The following CSNK2A2 variants were observed in gnomAD, a reference collection of about 807,000 sequenced individuals.
CSNK2A2 encodes the protein casein kinase II subunit alpha'.
In CSNK2A2, 8 loss-of-function variants were observed where a neutral mutation model predicts 54.0. The ratio of observed to expected loss-of-function variants is 0.15; its 90% CI spans 0.09 to 0.27. CSNK2A2 has a LOEUF of 0.27. Ranked by LOEUF, CSNK2A2 falls within the 10% of genes least tolerant of loss-of-function variation. The pLI is 1.00. For missense variants in CSNK2A2, 242 were observed against 439.4 expected (o/e 0.55, Z 4.02); for synonymous variants, 141 against 153.9 (o/e 0.92, Z 0.62).
At chr16:58,182,206 G>A (rs1962059653) in intron 4 of CSNK2A2, among the ~76,000 whole-genome samples, 1 of 151,846 alleles carries the variant, frequency 6.6e-6, no homozygotes, top group African/African-American at 2.4e-5. Context: ...TTCAGCAGTT[G>A]TTAAATCAAC....
At chr16:58,185,201 T>C (rs933731200) in intron 3 of CSNK2A2, among the ~76,000 whole-genome samples, 2 of 151,354 alleles carry the variant, frequency 1.3e-5, no homozygotes, top group African/African-American at 4.8e-5. Flanking sequence ...ATGTGAAAGT[T>C]ACCTAGGAAA....
At chr16:58,192,512 T>C (rs1015973262) in intron 2 of CSNK2A2, 9 of 151,984 alleles carry the variant, frequency 5.9e-5, no homozygotes, top group Non-Finnish European at 1.2e-4. Flanking sequence ...CAGCATTTCA[T>C]TGAAGCATTA....
chr16:58,182,374 CAAAAAAAAAAAAAA>C (rs71155249), intron 4 of CSNK2A2, among the ~76,000 whole-genome samples: 31 of 25,748 alleles, frequency 1.2e-3, no homozygotes, highest in African/African-American at 5.5e-3. Flanking sequence ...CTAAATATAC[CAAAAAAAAAAAAAA>C]AAAAAAAAAA....
chr16:58,162,770 C>T (rs534723542), intron 11 of CSNK2A2: 1 of 152,230 alleles, frequency 6.6e-6, no homozygotes, highest in South Asian at 2.1e-4. Context: ...ATGAAATCAG[C>T]CCTATTTTTG....
intron 4 of CSNK2A2, among the ~76,000 whole-genome samples, chr16:58,177,068 C>A (rs1026338461): frequency 6.6e-6 from 1 of 152,208 alleles, no homozygotes; most frequent in African/African-American, 2.4e-5. Context: ...CACTCAGTAC[C>A]ACACCCATTT....
chr16:58,166,229 G>A (rs1487096812), intron 9 of CSNK2A2, among the ~76,000 whole-genome samples: 2 of 152,090 alleles, frequency 1.3e-5, no homozygotes, highest in Non-Finnish European at 2.9e-5. Flanking sequence ...GAAGAGATAT[G>A]AAGTAAATAA....
At chr16:58,171,965 A>ATT (rs1459840541) in intron 5 of CSNK2A2, among the ~76,000 whole-genome samples, 1 of 10,510 alleles carries the variant, frequency 9.5e-5, no homozygotes, top group African/African-American at 2.7e-4. Context: ...ATGCATATAT[A>ATT]TATATATATA....
intron 3 of CSNK2A2, among the ~76,000 whole-genome samples, chr16:58,186,331 G>A (rs1962192226): frequency 6.6e-6 from 1 of 152,218 alleles, no homozygotes; most frequent in South Asian, 2.1e-4. Context: ...ACCTGCTCAG[G>A]CCTTTATGCC....
chr16:58,181,237 G>C (rs1962032333), intron 4 of CSNK2A2, among the ~76,000 whole-genome samples: 1 of 152,194 alleles, frequency 6.6e-6, no homozygotes, highest in African/African-American at 2.4e-5. Context: ...AACAGCGAAA[G>C]GCCAAAAGCA....
intron 6 of CSNK2A2, 66 bp from the exon 7 acceptor site, chr16:58,167,861 G>T (rs1961611050): frequency 8.5e-7 from 1 of 1,178,672 alleles, no homozygotes. Flanking sequence ...TTAGAACAAG[G>T]CCACATCACA....
intron 4 of CSNK2A2, among the ~76,000 whole-genome samples, chr16:58,175,145 G>A (rs997388880): frequency 6.6e-6 from 1 of 152,012 alleles, no homozygotes; most frequent in Non-Finnish European, 1.5e-5. Context: ...AAAAGACAGG[G>A]GTATCAAAAA....
At chr16:58,189,654 T>G (rs1275801441) in intron 2 of CSNK2A2, among the ~76,000 whole-genome samples, 2 of 152,170 alleles carry the variant, frequency 1.3e-5, no homozygotes, top group South Asian at 2.1e-4. Context: ...TAACTTAAAC[T>G]TCCCAAACTA....
intron 11 of CSNK2A2, 158 bp downstream of exon 11, chr16:58,163,895 TG>T: frequency 3.6e-6 from 2 of 559,682 alleles, no homozygotes; most frequent in Non-Finnish European, 6.3e-6. Flanking sequence ...AGACTAGCAC[TG>T]GGGAGTTTCT....
chr16:58,193,064 T>C (rs1323619476), intron 2 of CSNK2A2, among the ~76,000 whole-genome samples: 1 of 152,276 alleles, frequency 6.6e-6, no homozygotes, highest in Non-Finnish European at 1.5e-5. Context: ...TTAGTGATAC[T>C]GTTTGCACTA....
intron 3 of CSNK2A2, 117 bp downstream of exon 3, chr16:58,186,638 G>A: frequency 2.8e-6 from 2 of 705,148 alleles, no homozygotes; most frequent in Admixed American, 5.9e-5. Context: ...CCAGTCAGTA[G>A]TTAAAGACAA....
intron 2 of CSNK2A2, chr16:58,192,759 C>T (rs1028026956): frequency 2.0e-5 from 3 of 152,260 alleles, no homozygotes; most frequent in Admixed American, 2.0e-4. Context: ...AGCTAATGTC[C>T]TAATTATGCT....
Position 58,164,131 on chromosome 16 carries a change from C to T in CSNK2A2, c.993G>A (p.Glu331=), listed in dbSNP as rs771314652. 7.4e-6 allele frequency: 12 copies of T among 1,613,914 alleles called. No individual in the cohort carries two copies. The South Asian group carries it at 1.2e-4, about 16-fold the overall frequency. ...EHPYFYPVVK[E]QSQPCADNAV... Reference sequence around the variant, plus strand: ...CATTGTCTGCACAAGGCTGGGACTGCTCCTTCACCACAGGGTCTGCAAGAA... The same window carrying T: ...CATTGTCTGCACAAGGCTGGGACTGTTCCTTCACCACAGGGTCTGCAAGAA... Residue 331 remains glutamate, a synonymous_variant, in exon 11 of 12, where the codon GAG becomes GAA. Transcript: ENST00000262506.
intron 2 of CSNK2A2, among the ~76,000 whole-genome samples, chr16:58,187,869 T>C (rs1237704993): frequency 2.0e-5 from 3 of 152,252 alleles, no homozygotes; most frequent in South Asian, 2.1e-4. Flanking sequence ...CTGCATGCTA[T>C]ACTCTTGCCA....
chr16:58,174,037 C>T (rs1256690310), intron 5 of CSNK2A2: 1 of 154,808 alleles, frequency 6.5e-6, no homozygotes, highest in East Asian at 1.9e-4. Context: ...ATGAGGTCAT[C>T]CTGGACCATC....
Sources: allele counts gnomAD v4.1 joint callset (sites outside exome capture counted in the v4.1 genomes callset), GRCh38; gene constraint gnomAD v4.1.1; transcripts MANE v1.5; gene names NCBI Gene and HGNC (gene_info 2026-07-23, HGNC 2026-07-21).